DERA: variants seen among roughly 807,000 people sequenced by gnomAD.
DERA encodes the protein deoxyribose-phosphate aldolase.
A neutral mutation model predicts 41.1 loss-of-function variants in DERA; 15 were observed. The ratio of observed to expected loss-of-function variants is 0.37; its 90% CI spans 0.24 to 0.56. DERA has a LOEUF of 0.56. Among genes scored for constraint, DERA ranks in the 20% least tolerant of loss-of-function variants. The pLI, the probability that DERA is intolerant of heterozygous loss-of-function variation, is 0.81. For missense variants in DERA, 396 were observed against 403.4 expected (o/e 0.98, Z 0.16); for synonymous variants, 139 against 137.4 (o/e 1.01, Z -0.08).
At chr12:15,912,818 A>AT (rs1210593352) in intron 1 of DERA, among the ~76,000 whole-genome samples, 1 of 152,152 alleles carries the variant, frequency 6.6e-6, no homozygotes, top group East Asian at 1.9e-4. Flanking sequence ...GGTGTTCTGG[A>AT]TTTTTTGTCG....
intron 1 of DERA, among the ~76,000 whole-genome samples, chr12:15,955,385 G>C (rs541748122): frequency 6.6e-6 from 1 of 152,090 alleles, no homozygotes; most frequent in East Asian, 1.9e-4. Flanking sequence ...TAGAGTGTCT[G>C]GTCTGATTTT....
intron 1 of DERA, among the ~76,000 whole-genome samples, chr12:15,923,346 A>G (rs1948259493): frequency 6.6e-6 from 1 of 152,192 alleles, no homozygotes; most frequent in Admixed American, 6.5e-5. Flanking sequence ...AAAAACAGAC[A>G]CAGATTTCTG....
chr12:15,970,369 T>C lies in DERA; in HGVS notation c.508+7422T>C, dbSNP rs1249163253. 1.3e-5 allele frequency among the ~76,000 whole-genome samples: 2 copies of C among 152,168 alleles called. No individual in the cohort carries two copies. The highest frequency in any genetic ancestry group is 2.9e-5 in the Non-Finnish European group (2 of 68,020). ...TAGATAGGAAACAGTCTTTAAACGC[T>C]TGGATTCTTACTTAAATCATAATTT... On this transcript the variant is annotated intron_variant, in intron 5 of 8. Transcript: ENST00000428559. The surrounding 1 kb of genome is among the most constrained non-coding windows in gnomAD (Gnocchi z 4.3).
At chr12:16,030,604 T>G (rs1949086061) in intron 6 of DERA, among the ~76,000 whole-genome samples, 1 of 152,112 alleles carries the variant, frequency 6.6e-6, no homozygotes. Flanking sequence ...TCTATTTGGA[T>G]TTGATTAATT....
Position 15,918,987 on chromosome 12 carries a change from A to G in DERA, c.31+7573A>G, listed in dbSNP as rs1948221899. Reference sequence around the variant, plus strand: ...GTAATGTTTTCATGAAGAAAGAAAAAAAATCCTTCATAGCCTATGTGTGAA... The same window carrying G: ...GTAATGTTTTCATGAAGAAAGAAAAGAAATCCTTCATAGCCTATGTGTGAA... On this transcript the variant is annotated intron_variant, in intron 1 of 8. Transcript: ENST00000428559. The surrounding 1 kb of genome is among the most constrained non-coding windows in gnomAD (Gnocchi z 4.3). 6.6e-6 allele frequency among the ~76,000 whole-genome samples: 1 copy of G among 152,220 alleles called. No homozygotes were observed. The highest frequency in any genetic ancestry group is 6.5e-5 in the Admixed American group (1 of 15,288).
In DERA at chr12:15,928,108, C is replaced by A. The variant is rs1948300960; in HGVS notation, c.31+16694C>A. 6.6e-6 allele frequency among the ~76,000 whole-genome samples: 1 copy of A among 152,194 alleles called. No homozygotes were observed. The highest frequency in any genetic ancestry group is 1.5e-5 in the Non-Finnish European group (1 of 68,034). On this transcript the variant is annotated intron_variant, in intron 1 of 8. Coordinates refer to ENST00000428559, the MANE Select transcript of DERA (RefSeq NM_015954.4). This position sits in a 1 kb window ranked among gnomAD's most constrained non-coding sequence, Gnocchi z 4.6. ...ATGATTAAATCAAGCTGAGTGACTT[C>A]ATCACCTCACATACTTAGTTTTTGT...
chr12:15,928,789 C>G lies in DERA; in HGVS notation c.31+17375C>G, dbSNP rs895405746. Reference sequence around the variant, plus strand: ...AAGTTTGGTTGGTACCAAGGAATGACCCTTTATATGTGCAGTTTAAAATGT... The same window carrying G: ...AAGTTTGGTTGGTACCAAGGAATGAGCCTTTATATGTGCAGTTTAAAATGT... On this transcript the variant is annotated intron_variant, in intron 1 of 8. Coordinates refer to ENST00000428559, the MANE Select transcript of DERA (RefSeq NM_015954.4). The surrounding 1 kb of genome is among the most constrained non-coding windows in gnomAD (Gnocchi z 4.6). Among the ~76,000 whole-genome samples the G allele has an allele frequency of 5.3e-5, 8 of 152,146 alleles. No individual in the cohort carries two copies. The highest frequency in any genetic ancestry group is 1.2e-4 in the Non-Finnish European group (8 of 68,024).
At chr12:15,953,421 T>G (rs528074123) in intron 1 of DERA, among the ~76,000 whole-genome samples, 2 of 152,142 alleles carry the variant, frequency 1.3e-5, no homozygotes, top group South Asian at 4.1e-4. Flanking sequence ...GCAGGGAAAA[T>G]GACCTCCATC....
chr12:16,013,543 C>A lies in DERA; in HGVS notation c.638-18999C>A, dbSNP rs773359080. Among the ~76,000 whole-genome samples, 2 of 152,208 alleles carry A rather than the reference C, an allele frequency of 1.3e-5. No homozygotes were observed. Among genetic ancestry groups the A allele is most frequent in the Admixed American group, 6.5e-5 (1 of 15,280 alleles). On this transcript the variant is annotated intron_variant, in intron 6 of 8. Coordinates refer to ENST00000428559, the MANE Select transcript of DERA (RefSeq NM_015954.4). The surrounding 1 kb of genome is among the most constrained non-coding windows in gnomAD (Gnocchi z 5.8). ...TGTAAGTTTCCTGAGGCCTCCCCAG[C>A]CATGCTGAACTGTGAGTCAGTTAAA...
rs568326673 is a variant in DERA, at chr12:15,993,389, A to G, written c.637+10953A>G. 2.6e-5 allele frequency among the ~76,000 whole-genome samples: 4 copies of G among 152,234 alleles called. No homozygotes were observed. The East Asian group carries it at 7.7e-4, about 29-fold the overall frequency. On this transcript the variant is annotated intron_variant, in intron 6 of 8. Coordinates refer to ENST00000428559, the MANE Select transcript of DERA (RefSeq NM_015954.4). The surrounding 1 kb of genome is among the most constrained non-coding windows in gnomAD (Gnocchi z 4.4). ...ATTTTTCTAAAGATTGTCACAAGTT[A>G]CATGGAATCCCTCCTCTTAGGCTGC...
chr12:15,960,794 G>A (rs961951117), intron 4 of DERA, among the ~76,000 whole-genome samples: 6 of 152,144 alleles, frequency 3.9e-5, no homozygotes, highest in Admixed American at 1.3e-4. Context: ...AGGATGAGGA[G>A]GAGTTCACAG....
At position 16,004,359 on chromosome 12, in the gene DERA, G is replaced by T. The variant is rs1565611571; in HGVS notation, c.637+21923G>T. On this transcript the variant is annotated intron_variant, in intron 6 of 8. Transcript: ENST00000428559. The surrounding 1 kb of genome is among the most constrained non-coding windows in gnomAD (Gnocchi z 4.2). ...AAAGGAACCACTGCAGAAAAGAAAA[G>T]AAAAACCCAACTCCTCCTTAACAAT... Among the ~76,000 whole-genome samples the T allele has an allele frequency of 6.8e-6, 1 of 146,838 alleles. No homozygotes were observed. Among genetic ancestry groups the T allele is most frequent in the African/African-American group, 2.7e-5 (1 of 36,746 alleles).
Position 16,008,910 on chromosome 12 carries a change from A to C in DERA, c.638-23632A>C, listed in dbSNP as rs1482843160. ...AGAACTACAAACTTGATAAGGTAGA[A>C]ACTGCAAAACAATAGCTGGTCTGAT... is the stretch of plus-strand genomic sequence containing the variant. On this transcript the variant is annotated intron_variant, in intron 6 of 8. Coordinates refer to ENST00000428559, the MANE Select transcript of DERA (RefSeq NM_015954.4). The surrounding 1 kb of genome is among the most constrained non-coding windows in gnomAD (Gnocchi z 4.8). 6.6e-6 allele frequency among the ~76,000 whole-genome samples: 1 copy of C among 152,226 alleles called. No homozygotes were observed. The highest frequency in any genetic ancestry group is 2.4e-5 in the African/African-American group (1 of 41,462).
At position 16,013,963 on chromosome 12, in the gene DERA, C is replaced by G. The variant is rs1442375172; in HGVS notation, c.638-18579C>G. On this transcript the variant is annotated intron_variant, in intron 6 of 8. Transcript: ENST00000428559. The surrounding 1 kb of genome is among the most constrained non-coding windows in gnomAD (Gnocchi z 5.8). ...GCCCCTGCCCTAAAGATCTGCGGAA[C>G]TTTGAACTTGAGAGAGGTGATTTAG... is the stretch of plus-strand genomic sequence containing the variant. 1.3e-5 allele frequency among the ~76,000 whole-genome samples: 2 copies of G among 152,136 alleles called. No individual in the cohort carries two copies. The highest frequency in any genetic ancestry group is 2.9e-5 in the Non-Finnish European group (2 of 68,042).
rs1030163089 is a variant in DERA at position 15,990,798 on chromosome 12, G to T, written c.637+8362G>T. On this transcript the variant is annotated intron_variant, in intron 6 of 8. Coordinates refer to ENST00000428559, the MANE Select transcript of DERA (RefSeq NM_015954.4). The surrounding 1 kb of genome is among the most constrained non-coding windows in gnomAD (Gnocchi z 4.3). The stretch of plus-strand genomic sequence containing the variant: ...GATATGATCTCATTCTTTTTTTATG[G>T]CTGGATAGTAGTCCATGGTGCATAT... Among the ~76,000 whole-genome samples the T allele has an allele frequency of 6.6e-6, 1 of 152,080 alleles. No individual in the cohort carries two copies. Among genetic ancestry groups the T allele is most frequent in the Non-Finnish European group, 1.5e-5 (1 of 68,012 alleles).
At chr12:15,968,081 T>C (rs1475586093) in intron 5 of DERA, among the ~76,000 whole-genome samples, 1 of 140,686 alleles carries the variant, frequency 7.1e-6, no homozygotes, top group African/African-American at 2.5e-5. Context: ...CTCTTTCTTC[T>C]TCTTCTTTTT....
chr12:15,942,159 C>G (rs143296456), intron 1 of DERA, among the ~76,000 whole-genome samples: 2,041 of 152,214 alleles, frequency 0.013, 25 homozygotes, highest in Middle Eastern at 0.031. Context: ...ATTTGTATAT[C>G]TTCTTTTGAG....
chr12:15,951,153 C>T (rs1281629177), intron 1 of DERA, among the ~76,000 whole-genome samples: 1 of 152,190 alleles, frequency 6.6e-6, no homozygotes, highest in African/African-American at 2.4e-5. Flanking sequence ...TGCCCTTGGC[C>T]CCACAGACCC....
chr12:15,986,020 T>G (rs898414979), intron 6 of DERA, among the ~76,000 whole-genome samples: 5 of 152,166 alleles, frequency 3.3e-5, no homozygotes, highest in African/African-American at 1.2e-4. Flanking sequence ...TCATGTATTT[T>G]GGAGCTCTCT....
Sources: gnomAD v4.1 joint callset for allele counts (sites outside exome capture counted in the v4.1 genomes callset) on GRCh38, gnomAD v4.1.1 for gene constraint, Gnocchi (gnomAD v3.1) non-coding constraint, MANE v1.5 for transcripts, NCBI Gene and HGNC (gene_info 2026-07-23, HGNC 2026-07-21) for gene names.